Variants in GALNT2 observed in about 807,000 individuals in gnomAD.
GALNT2 encodes the protein UDP-GalNAc:polypeptide N-acetylgalactosaminyltransferase 2.
A neutral mutation model predicts 81.4 loss-of-function variants in GALNT2; 31 were observed. That is an observed-to-expected ratio of 0.38 (90% CI 0.29 to 0.51). The LOEUF (loss-of-function observed/expected upper bound fraction) is 0.51, where lower values mean the gene tolerates loss of function less well. GALNT2 is among the 20% of genes least tolerant of loss of function. GALNT2 has a pLI of 0.87. For synonymous variants in GALNT2, 303 were observed against 287.4 expected (o/e 1.05, Z -0.55); for missense variants, 629 against 765.7 (o/e 0.82, Z 2.11).
intron 1 of GALNT2, among the ~76,000 whole-genome samples, chr1:230,120,553 GTGTCGCCTGTGCCAGC>G (rs1483405427): frequency 1.3e-5 from 2 of 152,100 alleles, no homozygotes; most frequent in African/African-American, 4.8e-5. Flanking sequence ...CTCCCCTCCA[GTGTCGCCTGTGCCAGC>G]TGGACACGAA....
chr1:230,092,185 T>TGTTTTGTTTTTTTTG (rs371156205), intron 1 of GALNT2, among the ~76,000 whole-genome samples: 2 of 114,286 alleles, frequency 1.7e-5, no homozygotes, highest in African/African-American at 3.2e-5. Flanking sequence ...AGTTTTTTTT[T>TGTTTTGTTTTTTTTG]TTTTTTTTTT....
intron 1 of GALNT2, among the ~76,000 whole-genome samples, chr1:230,113,664 G>C (rs769520053): frequency 6.6e-6 from 1 of 152,118 alleles, no homozygotes; most frequent in Non-Finnish European, 1.5e-5. Context: ...GATGTTGCCT[G>C]TTGGGACTTT....
Position 230,185,411 on chromosome 1 carries a change from G to A in GALNT2, c.220+7100G>A, listed in dbSNP as rs572346245. On this transcript the variant is annotated intron_variant, in intron 2 of 15. Transcript: ENST00000366672. ...AACCCTGGTAAACAGGCCTTTAGTT[G>A]TGTGGTGTTAAGGTGTAGTGGGAGG... is the stretch of plus-strand genomic sequence containing the variant. Among the ~76,000 whole-genome samples, 4 of 152,166 alleles carry A rather than the reference G, an allele frequency of 2.6e-5. No homozygotes were observed. The South Asian group carries it at 8.3e-4, about 32-fold the overall frequency.
intron 14 of GALNT2, among the ~76,000 whole-genome samples, chr1:230,266,666 G>A (rs751634943): frequency 1.3e-5 from 2 of 152,200 alleles, no homozygotes; most frequent in Non-Finnish European, 2.9e-5. Flanking sequence ...AATTAGAAGA[G>A]AGAGAGGAAC....
chr1:230,197,196 T>C (rs770396675), intron 2 of GALNT2, among the ~76,000 whole-genome samples: 2 of 152,076 alleles, frequency 1.3e-5, no homozygotes, highest in Non-Finnish European at 2.9e-5. Flanking sequence ...TCCAGGTGTT[T>C]CTTGGGAGCA....
intron 14 of GALNT2, among the ~76,000 whole-genome samples, chr1:230,266,123 G>A (rs1226366359): frequency 6.6e-6 from 1 of 152,180 alleles, no homozygotes; most frequent in Non-Finnish European, 1.5e-5. Context: ...GAACCCGGGA[G>A]GCAGAGGTTG....
intron 1 of GALNT2, among the ~76,000 whole-genome samples, chr1:230,080,931 G>T (rs949684733): frequency 5.9e-5 from 9 of 152,202 alleles, no homozygotes; most frequent in Non-Finnish European, 1.0e-4. Context: ...GCGGGGAGGT[G>T]TTGACACGGG....
At chr1:230,224,136 A>G (rs1664636536) in intron 3 of GALNT2, among the ~76,000 whole-genome samples, 1 of 152,228 alleles carries the variant, frequency 6.6e-6, no homozygotes, top group South Asian at 2.1e-4. Context: ...CAAGAGGACG[A>G]TGGTGGGCAC....
chr1:230,125,502 T>G (rs1418233840), intron 1 of GALNT2, among the ~76,000 whole-genome samples: 1 of 152,246 alleles, frequency 6.6e-6, no homozygotes, highest in African/African-American at 2.4e-5. Flanking sequence ...TCGTGAGTCT[T>G]TCAGCCAAGA....
chr1:230,068,462 G>A (rs924294773), intron 1 of GALNT2, among the ~76,000 whole-genome samples: 3 of 152,178 alleles, frequency 2.0e-5, no homozygotes, highest in Admixed American at 6.5e-5. Context: ...TGTAACCCTC[G>A]TTACTGTGAC....
rs1405661714 is a variant in GALNT2 at position 230,279,905 on chromosome 1, T to A, written c.*447T>A. ...TCAATCCCTTCGAAATCACGTATGGTTTCCACAAAGCCGAGTCGTGTCACG... is the reference window on the plus strand; with the variant it reads ...TCAATCCCTTCGAAATCACGTATGGATTCCACAAAGCCGAGTCGTGTCACG... On this transcript the variant is annotated 3_prime_UTR_variant, in exon 16 of 16. Coordinates refer to ENST00000366672, the MANE Select transcript of GALNT2 (RefSeq NM_004481.5). This position sits in a 1 kb window ranked among gnomAD's most constrained non-coding sequence, Gnocchi z 4.6. 2.2e-6 allele frequency: 1 copy of A among 457,566 alleles called. No individual in the cohort carries two copies. The highest frequency in any genetic ancestry group is 2.3e-5 in the Admixed American group (1 of 42,594). 28.3% of individuals were successfully genotyped at this position (457,566 alleles called of 1,614,324 possible). A position where few individuals can be genotyped will look rare whatever the true frequency, so the allele number is the denominator to read the frequency against.
At chr1:230,151,386 G>A (rs1662089740) in intron 1 of GALNT2, among the ~76,000 whole-genome samples, 1 of 152,224 alleles carries the variant, frequency 6.6e-6, no homozygotes, top group Non-Finnish European at 1.5e-5. Context: ...GTGCCTCCAG[G>A]AAGCTCAGGA....
At chr1:230,225,999 G>A (rs182830897) in intron 3 of GALNT2, among the ~76,000 whole-genome samples, 6 of 152,288 alleles carry the variant, frequency 3.9e-5, no homozygotes, top group Admixed American at 3.9e-4. Context: ...TCACTAAACT[G>A]TCAGAGCTTT....
At chr1:230,129,148 A>G (rs957186048) in intron 1 of GALNT2, among the ~76,000 whole-genome samples, 5 of 152,228 alleles carry the variant, frequency 3.3e-5, no homozygotes, top group African/African-American at 1.2e-4. Context: ...AATCTGGCTC[A>G]TTAGGAATTA....
At chr1:230,169,361 A>G (rs1472612289) in intron 1 of GALNT2, among the ~76,000 whole-genome samples, 2 of 152,244 alleles carry the variant, frequency 1.3e-5, no homozygotes, top group Non-Finnish European at 2.9e-5. Context: ...ACTGAGGCTC[A>G]GAGAAGCAGC....
At chr1:230,082,506 T>C (rs558801684) in intron 1 of GALNT2, among the ~76,000 whole-genome samples, 11 of 152,372 alleles carry the variant, frequency 7.2e-5, no homozygotes, top group Middle Eastern at 6.8e-3. Flanking sequence ...AGATCTCCAA[T>C]GTGCCATTCC....
Position 230,279,684 on chromosome 1 carries a change from C to T in GALNT2, c.*226C>T. ...TCCTCTCGGTGCAGCCCAGCCGGGC[C>T]CCCTTCCCCAGGCCGGAGCGCCCCT... On this transcript the variant is annotated 3_prime_UTR_variant, in exon 16 of 16. Coordinates refer to ENST00000366672, the MANE Select transcript of GALNT2 (RefSeq NM_004481.5). The surrounding 1 kb of genome is among the most constrained non-coding windows in gnomAD (Gnocchi z 4.6). The T allele has an allele frequency of 1.7e-6, 1 of 596,716 alleles. No individual in the cohort carries two copies. The highest frequency in any genetic ancestry group is 1.9e-5 in the South Asian group (1 of 53,686). 37.0% of individuals were successfully genotyped at this position (596,716 alleles called of 1,614,324 possible).
intron 1 of GALNT2, among the ~76,000 whole-genome samples, chr1:230,105,513 G>A (rs1369961629): frequency 6.6e-6 from 1 of 152,138 alleles, no homozygotes; most frequent in East Asian, 1.9e-4. Context: ...CAAAATTAAT[G>A]GTGCTCCCTA....
intron 1 of GALNT2, among the ~76,000 whole-genome samples, chr1:230,174,859 G>C (rs763217584): frequency 6.6e-6 from 1 of 152,082 alleles, no homozygotes; most frequent in Admixed American, 6.6e-5. Context: ...CATCTGTCTG[G>C]TACACCCACC....
Sources: allele counts gnomAD v4.1 joint callset (sites outside exome capture counted in the v4.1 genomes callset), GRCh38; gene constraint gnomAD v4.1.1; non-coding constraint Gnocchi (gnomAD v3.1); transcripts MANE v1.5; gene names NCBI Gene and HGNC (gene_info 2026-07-23, HGNC 2026-07-21).